The following OPCML variants were observed in gnomAD, a reference collection of about 807,000 sequenced individuals.
OPCML encodes opioid-binding protein/cell adhesion molecule.
Under a neutral mutation model 37.8 loss-of-function variants are expected in OPCML, and 13 were observed. The observed-to-expected ratio is 0.34, with a 90% CI of 0.22 to 0.55. The LOEUF (loss-of-function observed/expected upper bound fraction) is 0.55. Ranked by LOEUF, OPCML falls within the 20% of genes least tolerant of loss-of-function variation. The probability of loss-of-function intolerance (pLI) is 0.91; values close to 1 mark genes in which losing one functional copy is unlikely to be tolerated. For synonymous variants in OPCML, 176 were observed against 168.8 expected (o/e 1.04, Z -0.33); for missense variants, 341 against 435.6 (o/e 0.78, Z 1.93).
chr11:133,043,472 C>T (rs565321032), intron 1 of OPCML, among the ~76,000 whole-genome samples: 1 of 152,338 alleles, frequency 6.6e-6, no homozygotes, highest in Non-Finnish European at 1.5e-5. Context: ...TCTTCATGAA[C>T]CACCTGCTGT....
At chr11:132,745,825 A>G (rs1945614995) in intron 2 of OPCML, among the ~76,000 whole-genome samples, 1 of 152,186 alleles carries the variant, frequency 6.6e-6, no homozygotes, top group Admixed American at 6.5e-5. Context: ...GGGCTCCATG[A>G]CTGGGATAGA....
intron 1 of OPCML, among the ~76,000 whole-genome samples, chr11:133,060,210 C>A (rs1948315969): frequency 6.6e-6 from 1 of 151,400 alleles, no homozygotes; most frequent in African/African-American, 2.4e-5. Flanking sequence ...CCCTCTCCCT[C>A]CCCCTCCACC....
At chr11:132,918,952 G>A (rs1420975142) in intron 2 of OPCML, among the ~76,000 whole-genome samples, 6 of 152,104 alleles carry the variant, frequency 3.9e-5, no homozygotes, top group African/African-American at 7.2e-5. Context: ...AATTCAGGCC[G>A]AATTAAGCCT....
chr11:132,735,242 A>T (rs967636747), intron 2 of OPCML, among the ~76,000 whole-genome samples: 2 of 152,202 alleles, frequency 1.3e-5, no homozygotes, highest in Admixed American at 6.5e-5. Context: ...GGTATTAGAC[A>T]TTAAACCGAG....
chr11:132,787,927 C>T (rs572612349), intron 2 of OPCML, among the ~76,000 whole-genome samples: 1 of 152,330 alleles, frequency 6.6e-6, no homozygotes, highest in Admixed American at 6.5e-5. Flanking sequence ...TGTCACCAGG[C>T]TGGTGTGCAG....
intron 1 of OPCML, among the ~76,000 whole-genome samples, chr11:133,244,189 G>C (rs7931579): frequency 1 from 152,034 of 152,300 alleles, 75,884 homozygotes; most frequent in East Asian, 1. Flanking sequence ...GGCTTGGAAT[G>C]CCAGCTCCAC....
chr11:133,402,914 C>T (rs1166055630), intron 1 of OPCML, among the ~76,000 whole-genome samples: 4 of 152,218 alleles, frequency 2.6e-5, no homozygotes, highest in Non-Finnish European at 5.9e-5. Flanking sequence ...ATTTTCTCCT[C>T]TAACTTCTGC....
rs201745577 is a variant in OPCML at position 133,174,638 on chromosome 11, T to TG, written c.62-231629dup. On this transcript the variant is annotated intron_variant, in intron 1 of 7. Transcript: ENST00000524381. This position sits in a 1 kb window ranked among gnomAD's most constrained non-coding sequence, Gnocchi z 4.6. ...AAAATGCTCATGGAATGCTGTTTAG[T>TG]GAAAAAAAAAAAAAAAAAAAGCAGG... is the stretch of plus-strand genomic sequence containing the variant. 0.2 allele frequency among the ~76,000 whole-genome samples: 17,193 copies of TG among 87,772 alleles called. 1,321 individuals carry two copies. Among genetic ancestry groups the TG allele is most frequent in the Middle Eastern group, 0.31 (47 of 152 alleles). The allele number at this position is 87,772 out of a possible 152,430, so 57.6% of individuals were successfully genotyped here.
chr11:132,677,456 T>C (rs192164567), intron 2 of OPCML, among the ~76,000 whole-genome samples: 2 of 152,200 alleles, frequency 1.3e-5, no homozygotes, highest in African/African-American at 2.4e-5. Flanking sequence ...CAACACAATA[T>C]TGGAGTAAAA....
At chr11:133,289,471 T>A (rs947728236) in intron 1 of OPCML, among the ~76,000 whole-genome samples, 1 of 150,258 alleles carries the variant, frequency 6.7e-6, no homozygotes, top group Non-Finnish European at 1.5e-5. Context: ...GGCGGGCGCC[T>A]GTAGTCCCAG....
At chr11:132,432,671 T>C (rs1316447763) in intron 7 of OPCML, among the ~76,000 whole-genome samples, 3 of 152,212 alleles carry the variant, frequency 2.0e-5, no homozygotes, top group Non-Finnish European at 4.4e-5. Context: ...AAAGTTTTCC[T>C]GTGAGCTACT....
At chr11:133,014,911 A>G (rs1947291681) in intron 1 of OPCML, among the ~76,000 whole-genome samples, 1 of 152,154 alleles carries the variant, frequency 6.6e-6, no homozygotes, top group African/African-American at 2.4e-5. Flanking sequence ...TAATTCTCCC[A>G]AATTCCCACA....
chr11:132,624,765 C>T (rs1350589182), intron 3 of OPCML, among the ~76,000 whole-genome samples: 2 of 152,116 alleles, frequency 1.3e-5, no homozygotes, highest in South Asian at 4.1e-4. Context: ...TGCAGGTTAC[C>T]TCATGCTTTA....
chr11:133,025,338 T>C (rs980785531), intron 1 of OPCML: 1 of 985,304 alleles, frequency 1.0e-6, no homozygotes, highest in African/African-American at 1.7e-5. Flanking sequence ...TTATGGCTGT[T>C]ATTAAGTTTT....
At chr11:133,403,444 C>T (rs1013169048) in intron 1 of OPCML, among the ~76,000 whole-genome samples, 1 of 152,070 alleles carries the variant, frequency 6.6e-6, no homozygotes, top group African/African-American at 2.4e-5. Context: ...ACATACCATA[C>T]CTTGATTTGT....
At chr11:132,675,216 T>C (rs1942650192) in intron 2 of OPCML, among the ~76,000 whole-genome samples, 1 of 150,650 alleles carries the variant, frequency 6.6e-6, no homozygotes, top group South Asian at 2.1e-4. Context: ...CATATATATA[T>C]ATAAAACGTT....
intron 1 of OPCML, among the ~76,000 whole-genome samples, chr11:133,239,248 C>T (rs1263760821): frequency 1.3e-5 from 2 of 152,222 alleles, no homozygotes; most frequent in Non-Finnish European, 2.9e-5. Context: ...GTTGACTGAG[C>T]TGCTTGGTGG....
intron 2 of OPCML, among the ~76,000 whole-genome samples, chr11:132,703,789 G>A (rs757728633): frequency 3.3e-5 from 5 of 152,198 alleles, no homozygotes; most frequent in Admixed American, 6.5e-5. Context: ...CCACAGGGGT[G>A]GGCCTAAAGC....
At chr11:133,056,904 T>A (rs1290712888) in intron 1 of OPCML, among the ~76,000 whole-genome samples, 1 of 152,196 alleles carries the variant, frequency 6.6e-6, no homozygotes, top group African/African-American at 2.4e-5. Flanking sequence ...AGTGCAATGA[T>A]GCAATCTTGG....
Sources: allele counts gnomAD v4.1 joint callset (sites outside exome capture counted in the v4.1 genomes callset), GRCh38; gene constraint gnomAD v4.1.1; non-coding constraint Gnocchi (gnomAD v3.1); transcripts MANE v1.5; gene names NCBI Gene and HGNC (gene_info 2026-07-23, HGNC 2026-07-21).